Variants in TECRL observed in about 807,000 individuals in gnomAD.
The protein encoded by TECRL is trans-2,3-enoyl-CoA reductase like, also known as trans-2,3-enoyl-CoA reductase-like.
Under a neutral mutation model 52.8 loss-of-function variants are expected in TECRL, and 63 were observed. That is an observed-to-expected ratio of 1.19 (90% CI 0.97 to 1.47). The LOEUF (loss-of-function observed/expected upper bound fraction) is 1.47, where lower values mean the gene tolerates loss of function less well. Among genes scored for constraint, TECRL ranks in the 40% most tolerant of loss-of-function variants. The probability of loss-of-function intolerance (pLI) is 0.00; values close to 1 mark genes in which losing one functional copy is unlikely to be tolerated. For synonymous variants in TECRL, 164 were observed against 141.9 expected (o/e 1.16, Z -1.10); for missense variants, 482 against 429.6 (o/e 1.12, Z -1.08).
intron 10 of TECRL, 112 bp downstream of exon 10, chr4:64,281,362 A>G (rs184501573): frequency 3.0e-6 from 2 of 674,738 alleles, no homozygotes; most frequent in African/African-American, 3.7e-5. Context: ...TGTGGATAAG[A>G]CCTCTATATT....
intron 9 of TECRL, among the ~76,000 whole-genome samples, chr4:64,287,170 A>C (rs1723121659): frequency 6.6e-6 from 1 of 152,144 alleles, no homozygotes; most frequent in African/African-American, 2.4e-5. Flanking sequence ...CACCAAGATA[A>C]AGCACAGATA....
At chr4:64,309,403 A>G (rs186562691) in intron 6 of TECRL, among the ~76,000 whole-genome samples, 41 of 152,240 alleles carry the variant, frequency 2.7e-4, no homozygotes, top group African/African-American at 9.1e-4. Context: ...TGCTTTCACA[A>G]TTTCTAGAAG....
At chr4:64,338,586 GA>G (rs955540268) in intron 2 of TECRL, among the ~76,000 whole-genome samples, 3 of 152,040 alleles carry the variant, frequency 2.0e-5, no homozygotes, top group East Asian at 1.9e-4. Context: ...AAATTTACAT[GA>G]AAAAAACAAA....
intron 1 of TECRL, among the ~76,000 whole-genome samples, chr4:64,392,929 A>G (rs1218762449): frequency 3.9e-5 from 6 of 151,952 alleles, no homozygotes; most frequent in Admixed American, 2.6e-4. Flanking sequence ...TCATGTAAAT[A>G]TGTCTTCCAG....
At chr4:64,364,131 G>A (rs1039320351) in intron 2 of TECRL, among the ~76,000 whole-genome samples, 2 of 151,804 alleles carry the variant, frequency 1.3e-5, no homozygotes, top group East Asian at 3.9e-4. Flanking sequence ...TATCTACGTA[G>A]AAATTAAACA....
chr4:64,342,465 A>G (rs1030779417), intron 2 of TECRL, among the ~76,000 whole-genome samples: 2 of 150,926 alleles, frequency 1.3e-5, no homozygotes, highest in Admixed American at 6.6e-5. Flanking sequence ...GTGTGTGTTT[A>G]TTTATATTTA....
chr4:64,401,953 T>C (rs1724387080), intron 1 of TECRL, among the ~76,000 whole-genome samples: 1 of 152,168 alleles, frequency 6.6e-6, no homozygotes, highest in Non-Finnish European at 1.5e-5. Context: ...CCATTTTAAG[T>C]AGAAAATTTC....
intron 1 of TECRL, among the ~76,000 whole-genome samples, chr4:64,408,733 A>G (rs1330206687): frequency 6.6e-6 from 1 of 152,118 alleles, no homozygotes; most frequent in Non-Finnish European, 1.5e-5. Context: ...TATAGAAACT[A>G]ATCAAACTCT....
At chr4:64,408,028 T>C (rs894015675) in intron 1 of TECRL, among the ~76,000 whole-genome samples, 20 of 151,778 alleles carry the variant, frequency 1.3e-4, no homozygotes, top group African/African-American at 4.8e-4. Context: ...TTAGATCTTT[T>C]AGTTCAATTC....
chr4:64,332,903 AAGTT>A (rs1718743632), intron 2 of TECRL, among the ~76,000 whole-genome samples: 2 of 152,138 alleles, frequency 1.3e-5, no homozygotes, highest in African/African-American at 4.8e-5. Context: ...GAGAATAAAA[AAGTT>A]AAAGAAAAGT....
At chr4:64,299,354 G>A (rs1356149591) in intron 8 of TECRL, 1 of 151,052 alleles carries the variant, frequency 6.6e-6, no homozygotes, top group Non-Finnish European at 1.5e-5. Flanking sequence ...TGACAGGGAT[G>A]AAAGGAGAAC....
At chr4:64,341,463 G>A (rs1200214903) in intron 2 of TECRL, among the ~76,000 whole-genome samples, 1 of 152,020 alleles carries the variant, frequency 6.6e-6, no homozygotes, top group East Asian at 1.9e-4. Flanking sequence ...AGCTGGGGGT[G>A]GTGGCACATT....
At chr4:64,408,357 ATTAAG>A (rs767763335) in intron 1 of TECRL, among the ~76,000 whole-genome samples, 3 of 152,050 alleles carry the variant, frequency 2.0e-5, no homozygotes, top group South Asian at 2.1e-4. Context: ...CCTTTCTCAT[ATTAAG>A]TTAATAGTAC....
rs755919037 is a variant in TECRL at position 64,289,722 on chromosome 4, G to T, written c.820C>A (p.Pro274Thr). ...NHFINVMLSHPNHTGNNACFP... is the reference protein window; with the variant it reads ...NHFINVMLSHTNHTGNNACFP... ...AAAAAGAACTAACCTGTGTGATTGGGATGAGACAACATTACATTGATGAAA... is the reference window on the plus strand; with the variant it reads ...AAAAAGAACTAACCTGTGTGATTGGTATGAGACAACATTACATTGATGAAA... The change falls in exon 9 of 12, where the codon CCC (proline) becomes ACC (threonine). Residue 274 changes from proline (P) to threonine (T), a missense_variant. Coordinates refer to ENST00000381210, the MANE Select transcript of TECRL (RefSeq NM_001010874.5). 2 of 1,544,976 alleles carry T rather than the reference G, an allele frequency of 1.3e-6. No individual in the cohort carries two copies. Among genetic ancestry groups the T allele is most frequent in the South Asian group, 2.6e-5 (2 of 77,150 alleles).
At chr4:64,355,556 T>C (rs1220932976) in intron 2 of TECRL, among the ~76,000 whole-genome samples, 1 of 152,004 alleles carries the variant, frequency 6.6e-6, no homozygotes, top group Non-Finnish European at 1.5e-5. Context: ...CCCAGCACTT[T>C]GGGAGGCCAA....
chr4:64,352,897 T>G (rs979899424), intron 2 of TECRL, among the ~76,000 whole-genome samples: 3 of 152,224 alleles, frequency 2.0e-5, no homozygotes, highest in Non-Finnish European at 4.4e-5. Context: ...TATTTATTAT[T>G]GTTTTTACAG....
chr4:64,357,797 T>A (rs1720877258), intron 2 of TECRL, among the ~76,000 whole-genome samples: 1 of 151,602 alleles, frequency 6.6e-6, no homozygotes, highest in Admixed American at 6.6e-5. Context: ...ATGTAATAGA[T>A]AAATTTCGAT....
chr4:64,283,733 T>C (rs1205649940), intron 9 of TECRL, among the ~76,000 whole-genome samples: 1 of 152,060 alleles, frequency 6.6e-6, no homozygotes, highest in East Asian at 1.9e-4. Context: ...AATGTACAAC[T>C]CCAATCCAAT....
intron 5 of TECRL, among the ~76,000 whole-genome samples, chr4:64,312,004 A>G (rs1218606970): frequency 6.6e-6 from 1 of 152,206 alleles, no homozygotes. Context: ...TGTTCAGGTA[A>G]CAGGTTCATA....
Sources: allele counts gnomAD v4.1 joint callset (sites outside exome capture counted in the v4.1 genomes callset), GRCh38; gene constraint gnomAD v4.1.1; transcripts MANE v1.5; gene names NCBI Gene and HGNC (gene_info 2026-07-23, HGNC 2026-07-21).